P2RX3: variants seen among roughly 807,000 people sequenced by gnomAD.
The protein encoded by P2RX3 is P2X purinoceptor 3.
P2RX3 carries 41 observed loss-of-function variants against 51.5 expected under a neutral mutation model. The observed-to-expected ratio is 0.80, with a 90% CI of 0.62 to 1.03. The LOEUF is 1.03. Among genes scored for constraint, P2RX3 ranks in the 50% least tolerant of loss-of-function variants. The pLI is 0.00. For synonymous variants in P2RX3, 185 were observed against 191.6 expected, an observed-to-expected ratio of 0.97 and a Z score of 0.29; for missense variants, 459 against 522.1, an observed-to-expected ratio of 0.88 and a Z score of 1.18.
intron 1 of P2RX3, among the ~76,000 whole-genome samples, chr11:57,342,947 A>C (rs1856368587): frequency 6.6e-6 from 1 of 152,196 alleles, no homozygotes; most frequent in Non-Finnish European, 1.5e-5. Context: ...CCACCTGCCA[A>C]GGAGCTGCCA....
chr11:57,344,536 T>A (rs1300391355), intron 1 of P2RX3, among the ~76,000 whole-genome samples: 1 of 151,964 alleles, frequency 6.6e-6, no homozygotes, highest in Non-Finnish European at 1.5e-5. Context: ...CCGTCTCTAC[T>A]AAAAACAAAA....
In P2RX3 at chr11:57,369,875, C is replaced by T. The variant is rs765431333; in HGVS notation, c.1081-9C>T. 1.6e-5 allele frequency: 25 copies of T among 1,590,586 alleles called. No individual in the cohort carries two copies. The Admixed American group carries it at 3.0e-4, about 19-fold the overall frequency. ...CAGAACTTGACAACACCAGCTCTTT[C>T]GCCTGCAGGTGAATGAGACTACGCT... On this transcript the variant is annotated splice_polypyrimidine_tract_variant and intron_variant, in intron 11 of 11. Coordinates refer to ENST00000263314, the MANE Select transcript of P2RX3 (RefSeq NM_002559.5).
At chr11:57,339,779 T>G (rs1315450034) in intron 1 of P2RX3, among the ~76,000 whole-genome samples, 1 of 152,232 alleles carries the variant, frequency 6.6e-6, no homozygotes, top group African/African-American at 2.4e-5. Flanking sequence ...GAATCCTGTG[T>G]GCCTGTGGGC....
chr11:57,368,989 A>G (rs571374049), intron 10 of P2RX3, among the ~76,000 whole-genome samples: 23 of 152,240 alleles, frequency 1.5e-4, no homozygotes, highest in Admixed American at 1.2e-3. Context: ...CAATCTGCTA[A>G]CATGCTAGCT....
intron 2 of P2RX3, 77 bp from the exon 3 acceptor site, chr11:57,347,038 TG>T: frequency 7.2e-7 from 1 of 1,385,404 alleles, no homozygotes; most frequent in African/African-American, 1.4e-5. Context: ...ATCTGTAGAG[TG>T]GGGATAATCA....
Position 57,368,387 on chromosome 11 carries a change from A to C in P2RX3, c.952A>C (p.Ile318Leu). ...GTGCACACAGGCTGGCAAGTTCAAC[A>C]TCATCCCCACCATCATCAGCTCTGT... is the stretch of plus-strand genomic sequence containing the variant. ...LVYGNAGKFN[I>L]IPTIISSVAA... Residue 318 changes from isoleucine (I) to leucine (L), a missense_variant, in exon 10 of 12, where the codon ATC becomes CTC. Ile to Leu is a conservative substitution (Grantham distance 5). Coordinates refer to ENST00000263314, the MANE Select transcript of P2RX3 (RefSeq NM_002559.5). 2 of 1,614,006 alleles carry C rather than the reference A, an allele frequency of 1.2e-6. No homozygotes were observed. The highest frequency in any genetic ancestry group is 1.7e-6 in the Non-Finnish European group (2 of 1,179,990).
In P2RX3 at chr11:57,349,912, C is replaced by A; in HGVS notation, c.705+14C>A. ...CTGGCGCGCACGGTGAGGACCTAGC[C>A]ATTCTTCCGCGACCCCAAACTCCCC... On this transcript the variant is annotated intron_variant, in intron 7 of 11. Transcript: ENST00000263314. 6.2e-7 allele frequency: 1 copy of A among 1,613,788 alleles called. No individual in the cohort carries two copies. Among genetic ancestry groups the A allele is most frequent in the Non-Finnish European group, 8.5e-7 (1 of 1,179,716 alleles).
At position 57,349,897 on chromosome 11, in the gene P2RX3, C is replaced by T; in HGVS notation, c.704C>T (p.Thr235Met). 1 of 1,614,198 alleles carries T rather than the reference C, an allele frequency of 6.2e-7. No individual in the cohort carries two copies. Among genetic ancestry groups the T allele is most frequent in the Admixed American group, 1.7e-5 (1 of 60,036 alleles). The change falls in exon 7 of 12, where the codon ACG (threonine) becomes ATG (methionine). Residue 235 changes from threonine to methionine, a missense_variant and splice_region_variant. By Grantham distance (81) the Thr-to-Met change is moderately conservative. Coordinates refer to ENST00000263314, the MANE Select transcript of P2RX3 (RefSeq NM_002559.5). ...AGQDFAKLAR[T>M]GGVLGIKIGW... ...CAGGATTTTGCCAAACTGGCGCGCA[C>T]GGTGAGGACCTAGCCATTCTTCCGC...
At chr11:57,358,662 A>G (rs1335847371) in intron 8 of P2RX3, among the ~76,000 whole-genome samples, 1 of 152,134 alleles carries the variant, frequency 6.6e-6, no homozygotes, top group East Asian at 1.9e-4. Context: ...TTCAAGCCCT[A>G]AAAGTCTGAA....
chr11:57,341,142 G>A (rs976331055), intron 1 of P2RX3, among the ~76,000 whole-genome samples: 3 of 152,116 alleles, frequency 2.0e-5, no homozygotes, highest in South Asian at 2.1e-4. Flanking sequence ...AGACAGACAC[G>A]ATGAGATCTG....
At chr11:57,367,974 C>G in intron 8 of P2RX3, 35 bp from the exon 9 acceptor site, 1 of 1,544,960 alleles carries the variant, frequency 6.5e-7, no homozygotes, top group Non-Finnish European at 9.0e-7. Context: ...AGACAGGATC[C>G]CACAGAGGGA....
chr11:57,359,707 T>C (rs1366119938), intron 8 of P2RX3, among the ~76,000 whole-genome samples: 1 of 152,192 alleles, frequency 6.6e-6, no homozygotes, highest in Non-Finnish European at 1.5e-5. Context: ...GGAACTCCTT[T>C]TGGCTCCTCT....
At chr11:57,344,758 A>G (rs1856402076) in intron 1 of P2RX3, among the ~76,000 whole-genome samples, 1 of 152,232 alleles carries the variant, frequency 6.6e-6, no homozygotes, top group Non-Finnish European at 1.5e-5. Flanking sequence ...AAAGAAAAAA[A>G]GATTCCAGTG....
chr11:57,337,350 GAAA>G (rs11339711), upstream of P2RX3, among the ~76,000 whole-genome samples: 7 of 73,496 alleles, frequency 9.5e-5, no homozygotes, highest in African/African-American at 4.1e-4. Flanking sequence ...AGGAAAGAAA[GAAA>G]AAAAAAAAAA....
At chr11:57,336,950 A>G (rs1205801238), upstream of P2RX3, among the ~76,000 whole-genome samples, 1 of 152,174 alleles carries the variant, frequency 6.6e-6, no homozygotes. Context: ...TTGAGGGCCT[A>G]TTACTACTTT....
At chr11:57,355,182 C>T (rs530717870) in intron 8 of P2RX3, among the ~76,000 whole-genome samples, 4 of 152,336 alleles carry the variant, frequency 2.6e-5, no homozygotes, top group Admixed American at 2.0e-4. Context: ...CAACTTTCAT[C>T]TGTGAAATTA....
Position 57,369,201 on chromosome 11 carries a change from C to T in P2RX3, c.1003-160C>T, listed in dbSNP as rs1416010421. Among the ~76,000 whole-genome samples the T allele has an allele frequency of 2.0e-5, 3 of 152,184 alleles. No homozygotes were observed. In the East Asian group the frequency reaches 5.8e-4, roughly 29 times the overall value. ...CAGCACGAGTTTGGATGAGGACATTCAAACCATAGCACTATCCCAAAAGTT... is the reference window on the plus strand; with the variant it reads ...CAGCACGAGTTTGGATGAGGACATTTAAACCATAGCACTATCCCAAAAGTT... On this transcript the variant is annotated intron_variant, in intron 10 of 11. Coordinates refer to ENST00000263314, the MANE Select transcript of P2RX3 (RefSeq NM_002559.5).
chr11:57,364,073 A>G (rs1322841667), intron 8 of P2RX3, among the ~76,000 whole-genome samples: 1 of 152,146 alleles, frequency 6.6e-6, no homozygotes, highest in Non-Finnish European at 1.5e-5. Flanking sequence ...AGTTGATGTC[A>G]CTGTCAGAGC....
rs770143428 is a variant in P2RX3, at chr11:57,369,999, G to A, written c.*2G>A. On this transcript the variant is annotated 3_prime_UTR_variant, in exon 12 of 12. Coordinates refer to ENST00000263314, the MANE Select transcript of P2RX3 (RefSeq NM_002559.5). ...GGGGCCTTCTCCATAGGCCACTAGG[G>A]CCTCTTTCCAGGGCCCCACACTCAC... is the stretch of plus-strand genomic sequence containing the variant. 1 of 1,605,482 alleles carries A rather than the reference G, an allele frequency of 6.2e-7. No homozygotes were observed. The highest frequency in any genetic ancestry group is 1.1e-5 in the South Asian group (1 of 90,650).
Sources: gnomAD v4.1 joint callset for allele counts (sites outside exome capture counted in the v4.1 genomes callset) on GRCh38, gnomAD v4.1.1 for gene constraint, MANE v1.5 for transcripts, NCBI Gene and HGNC (gene_info 2026-07-23, HGNC 2026-07-21) for gene names.